The following GON4L variants were observed in gnomAD, a reference collection of about 807,000 sequenced individuals.
The protein encoded by GON4L is gon-4 like.
Under a neutral mutation model 211.8 loss-of-function variants are expected in GON4L, and 87 were observed. The ratio of observed to expected loss-of-function variants is 0.41; its 90% CI spans 0.35 to 0.49. The LOEUF is 0.49. Ranked by LOEUF, GON4L falls within the 20% of genes least tolerant of loss-of-function variation. The pLI is 0.15. For missense variants in GON4L, 2,155 were observed against 2,659.5 expected, an observed-to-expected ratio of 0.81 and a Z score of 4.17; for synonymous variants, 875 against 962.6, an observed-to-expected ratio of 0.91 and a Z score of 1.68.
intron 12 of GON4L, among the ~76,000 whole-genome samples, chr1:155,792,286 AG>A (rs1665674145): frequency 1.3e-5 from 2 of 152,294 alleles, no homozygotes; most frequent in Admixed American, 6.5e-5. Flanking sequence ...GTCCTTTTAA[AG>A]AGATTATAAT....
At chr1:155,768,198 C>T (rs1018686369) in intron 19 of GON4L, among the ~76,000 whole-genome samples, 4 of 148,348 alleles carry the variant, frequency 2.7e-5, no homozygotes, top group Admixed American at 6.8e-5. Context: ...AGCTACTCAG[C>T]GGGCTGAGGC....
At chr1:155,836,523 T>C (rs1369162072) in intron 2 of GON4L, among the ~76,000 whole-genome samples, 3 of 152,182 alleles carry the variant, frequency 2.0e-5, no homozygotes, top group Non-Finnish European at 4.4e-5. Flanking sequence ...GCTGGGATTA[T>C]AGGCGTGAGC....
intron 2 of GON4L, among the ~76,000 whole-genome samples, chr1:155,852,871 G>C (rs1241451391): frequency 6.6e-6 from 1 of 152,216 alleles, no homozygotes; most frequent in South Asian, 2.1e-4. Flanking sequence ...CCAGCACTTT[G>C]GGAGGCCAAG....
At position 155,826,818 on chromosome 1, in the gene GON4L, A is replaced by G; in HGVS notation, c.697+19T>C. 1 of 1,542,916 alleles carries G rather than the reference A, an allele frequency of 6.5e-7. No individual in the cohort carries two copies. The highest frequency in any genetic ancestry group is 1.1e-5 in the South Asian group (1 of 89,532). On this transcript the variant is annotated intron_variant, in intron 3 of 31. Coordinates refer to ENST00000368331, the MANE Select transcript of GON4L (RefSeq NM_001282860.2). ...CAATAAAGAGGTTTCATTTAATTAA[A>G]AAGAAAAAGAAAGCCTACCCATTGG...
chr1:155,746,878 G>A (rs1215838396), downstream of GON4L: 2 of 1,596,398 alleles, frequency 1.3e-6, no homozygotes. Context: ...AGAGGTGAGG[G>A]CCTCTGTCCT....
chr1:155,844,014 C>T (rs1671009736), intron 2 of GON4L, among the ~76,000 whole-genome samples: 1 of 152,162 alleles, frequency 6.6e-6, no homozygotes, highest in African/African-American at 2.4e-5. Context: ...TGTATTTTGG[C>T]CACCATTATC....
At chr1:155,751,275 C>T (rs1660552419) in intron 31 of GON4L, among the ~76,000 whole-genome samples, 1 of 152,100 alleles carries the variant, frequency 6.6e-6, no homozygotes, top group Non-Finnish European at 1.5e-5. Context: ...CCTGGCCGGG[C>T]GCAGTATCTC....
At chr1:155,773,442 C>G in intron 17 of GON4L, 1 of 545,068 alleles carries the variant, frequency 1.8e-6, no homozygotes, top group Non-Finnish European at 3.3e-6. Context: ...TTATGTGGAA[C>G]ACTTTATTCA....
At chr1:155,817,346 T>A (rs547711979) in intron 6 of GON4L, among the ~76,000 whole-genome samples, 12 of 152,314 alleles carry the variant, frequency 7.9e-5, no homozygotes, top group Non-Finnish European at 1.8e-4. Context: ...CCATTGAGGA[T>A]GTATAATTTC....
At chr1:155,834,873 C>T (rs1215785023) in intron 2 of GON4L, among the ~76,000 whole-genome samples, 1 of 146,744 alleles carries the variant, frequency 6.8e-6, no homozygotes, top group Non-Finnish European at 1.5e-5. Context: ...GCCCCTCTGC[C>T]CAGCCAGCCG....
At position 155,754,385 on chromosome 1, in the gene GON4L, C is replaced by T. The variant is rs769420859; in HGVS notation, c.5621G>A (p.Cys1874Tyr). 4 of 1,602,108 alleles carry T rather than the reference C, an allele frequency of 2.5e-6. No homozygotes were observed. The highest frequency in any genetic ancestry group is 1.1e-5 in the South Asian group (1 of 90,872). Residue 1874 changes from cysteine (C) to tyrosine (Y), a missense_variant, in exon 28 of 32, where the codon TGT becomes TAT. Transcript: ENST00000368331. The stretch of plus-strand genomic sequence containing the variant: ...TGATACTTTCCTCACCTTGCTGCTA[C>T]AGTGGCTACAGCTCCGCCTTTTGCT... The part of the protein sequence containing the change: ...KKSKRRSCSH[C>Y]SSKVCDSKSY...
chr1:155,752,557 G>C lies in GON4L; in HGVS notation c.5876C>G (p.Pro1959Arg). The C allele has an allele frequency of 2.5e-6, 4 of 1,597,590 alleles. No individual in the cohort carries two copies. The highest frequency in any genetic ancestry group is 3.4e-6 in the Non-Finnish European group (4 of 1,171,866). ...CCGTTCTGTAACAGTCACTTCTCGA[G>C]GGGATGGCAAAGTGCTCCCCACTGC... ...GLAVGSTLPS[P>R]REVTVTERLL... The change falls in exon 30 of 32, where the codon CCT becomes CGT. Residue 1959 changes from proline (P) to arginine (R), a missense_variant. By Grantham distance (103) the Pro-to-Arg change is moderately radical. Coordinates refer to ENST00000368331, the MANE Select transcript of GON4L (RefSeq NM_001282860.2).
At chr1:155,796,777 T>G (rs2102004639) in intron 11 of GON4L, among the ~76,000 whole-genome samples, 1 of 152,076 alleles carries the variant, frequency 6.6e-6, no homozygotes, top group African/African-American at 2.4e-5. Flanking sequence ...ACAGTAGCCA[T>G]TAGCCACATG....
intron 10 of GON4L, among the ~76,000 whole-genome samples, chr1:155,811,655 G>T (rs1667786370): frequency 6.8e-6 from 1 of 147,850 alleles, no homozygotes; most frequent in Non-Finnish European, 1.5e-5. Context: ...TACTCAGGAG[G>T]CTGAGGCAGG....
intron 2 of GON4L, among the ~76,000 whole-genome samples, chr1:155,851,941 G>A (rs1220354421): frequency 6.6e-6 from 1 of 151,878 alleles, no homozygotes; most frequent in Non-Finnish European, 1.5e-5. Context: ...AAGGTACGTG[G>A]ATCACCTGAG....
chr1:155,777,119 A>G (rs1182237754), intron 15 of GON4L, among the ~76,000 whole-genome samples: 3 of 152,226 alleles, frequency 2.0e-5, no homozygotes, highest in Non-Finnish European at 2.9e-5. Context: ...TCTGAATACC[A>G]TTAGTGTCCT....
intron 8 of GON4L, 41 bp downstream of exon 8, chr1:155,815,764 T>C (rs369727080): frequency 2.6e-6 from 3 of 1,138,354 alleles, no homozygotes; most frequent in Non-Finnish European, 3.9e-6. Context: ...AAGTATACCC[T>C]GCTCTATTAA....
chr1:155,831,968 G>T (rs1396712534), intron 2 of GON4L, among the ~76,000 whole-genome samples: 2 of 152,238 alleles, frequency 1.3e-5, no homozygotes, highest in East Asian at 3.9e-4. Context: ...TGCAAACCCA[G>T]GAGGCGGAGC....
intron 2 of GON4L, among the ~76,000 whole-genome samples, chr1:155,838,783 GA>G (rs1215047533): frequency 5.4e-5 from 8 of 146,932 alleles, no homozygotes; most frequent in African/African-American, 1.5e-4. Flanking sequence ...AAAAAAAAAA[GA>G]AAAAAAATTA....
Sources: gnomAD v4.1 joint callset for allele counts (sites outside exome capture counted in the v4.1 genomes callset) on GRCh38, gnomAD v4.1.1 for gene constraint, MANE v1.5 for transcripts, NCBI Gene and HGNC (gene_info 2026-07-23, HGNC 2026-07-21) for gene names.